TEX9: variants seen among roughly 807,000 people sequenced by gnomAD.
TEX9 encodes testis expressed 9.
TEX9 carries 74 observed loss-of-function variants against 59.6 expected under a neutral mutation model. The ratio of observed to expected loss-of-function variants is 1.24; its 90% CI spans 1.03 to 1.51. The LOEUF is 1.51. TEX9 is among the 40% of genes most tolerant of loss of function. The pLI is 0.00. For synonymous variants in TEX9, 186 were observed against 152.2 expected (o/e 1.22, Z -1.64); for missense variants, 522 against 447.8 (o/e 1.17, Z -1.49).
chr15:56,388,404 G>T (rs1353118284), intron 4 of TEX9, 68 bp from the exon 5 acceptor site: 14 of 1,210,386 alleles, frequency 1.2e-5, no homozygotes, highest in Non-Finnish European at 1.4e-5. Flanking sequence ...AAATATAATT[G>T]TTGAATTTCA....
chr15:56,383,118 C>A (rs554941620), intron 3 of TEX9, among the ~76,000 whole-genome samples: 14 of 152,290 alleles, frequency 9.2e-5, no homozygotes, highest in African/African-American at 3.4e-4. Flanking sequence ...GATGCTTCCT[C>A]CATGCATGGG....
At chr15:56,428,391 C>G in exon 12 of TEX9, 2 of 1,611,872 alleles carry the variant, frequency 1.2e-6, no homozygotes, top group South Asian at 1.1e-5. Context: ...TGCCAAGATG[C>G]TATCTTTCAC....
intron 1 of TEX9, among the ~76,000 whole-genome samples, chr15:56,332,615 A>AG: frequency 7.9e-6 from 1 of 126,536 alleles, no homozygotes; most frequent in South Asian, 3.6e-4. Context: ...AACTTAAAAT[A>AG]TAAAAAAAAA....
At chr15:56,251,083 G>A (rs1158819496) in intron 1 of TEX9, among the ~76,000 whole-genome samples, 2 of 152,108 alleles carry the variant, frequency 1.3e-5, no homozygotes, top group South Asian at 2.1e-4. Context: ...GGGCCAACCT[G>A]TCTCCTTTCC....
downstream of TEX9, among the ~76,000 whole-genome samples, chr15:56,446,321 C>A (rs1487215068): frequency 3.3e-5 from 5 of 151,924 alleles, no homozygotes; most frequent in Non-Finnish European, 7.4e-5. Context: ...CAAAGCACTC[C>A]TAGTGAGTAT....
At chr15:56,276,146 C>G (rs1397712978) in intron 1 of TEX9, among the ~76,000 whole-genome samples, 4 of 151,228 alleles carry the variant, frequency 2.6e-5, no homozygotes, top group Non-Finnish European at 5.9e-5. Flanking sequence ...CTTCTCTAAA[C>G]TTTTTTTTTA....
chr15:56,436,236 C>T (rs937644939), intron 12 of TEX9, among the ~76,000 whole-genome samples: 1 of 152,108 alleles, frequency 6.6e-6, no homozygotes, highest in Non-Finnish European at 1.5e-5. Context: ...TGTAAAAGAA[C>T]AGAAATTATA....
rs60384040 is a variant in TEX9, at chr15:56,378,077, T to C, written c.183+4573T>C. On this transcript the variant is annotated intron_variant, in intron 3 of 12. Coordinates refer to ENST00000352903, the Ensembl canonical transcript of TEX9. ...CATCCCTGGGGTAAATCCCACATGG[T>C]CATGACAAATGGTCTTTTTAATATT... Among the ~76,000 whole-genome samples, 596 of 152,310 alleles carry C rather than the reference T, an allele frequency of 3.9e-3. 3 individuals are homozygous for C. Among genetic ancestry groups the C allele is most frequent in the African/African-American group, 0.014 (576 of 41,558 alleles).
chr15:56,389,477 T>C (rs2048108577), intron 6 of TEX9, 77 bp downstream of exon 6: 1 of 1,090,382 alleles, frequency 9.2e-7, no homozygotes, highest in Non-Finnish European at 1.3e-6. Context: ...ATTATTAAGC[T>C]CTGTTTGTTT....
At chr15:56,254,077 C>G (rs973667363) in intron 1 of TEX9, among the ~76,000 whole-genome samples, 1 of 152,020 alleles carries the variant, frequency 6.6e-6, no homozygotes, top group African/African-American at 2.4e-5. Flanking sequence ...AATCAAGATG[C>G]CAGCCTGCAG....
chr15:56,398,688 C>T (rs1232100178), intron 9 of TEX9, among the ~76,000 whole-genome samples: 1 of 152,154 alleles, frequency 6.6e-6, no homozygotes, highest in Non-Finnish European at 1.5e-5. Flanking sequence ...CATTTCTTAT[C>T]CATTGTATAC....
chr15:56,455,266 A>C, the TEX9 span, among the ~76,000 whole-genome samples: 5 of 150,838 alleles, frequency 3.3e-5, no homozygotes, highest in Admixed American at 1.3e-4. Context: ...AAAAAAAAAA[A>C]AAAAACCATG....
At chr15:56,318,428 C>T (rs866633331) in intron 1 of TEX9, among the ~76,000 whole-genome samples, 4 of 151,958 alleles carry the variant, frequency 2.6e-5, no homozygotes, top group South Asian at 2.1e-4. Flanking sequence ...GGCAGCATAT[C>T]GTTGGATCAT....
At chr15:56,296,482 C>A (rs2045221511) in intron 1 of TEX9, among the ~76,000 whole-genome samples, 1 of 152,066 alleles carries the variant, frequency 6.6e-6, no homozygotes, top group Admixed American at 6.6e-5. Context: ...CATTATGACC[C>A]AATTTTAAAG....
intron 1 of TEX9, among the ~76,000 whole-genome samples, chr15:56,310,971 C>G (rs1204006152): frequency 6.6e-6 from 1 of 152,114 alleles, no homozygotes; most frequent in African/African-American, 2.4e-5. Context: ...AAGGGCCCTA[C>G]AGATGACCTC....
At chr15:56,249,455 GAGGGAGGGAGGGAAGA>G (rs1392884240) in intron 1 of TEX9, among the ~76,000 whole-genome samples, 1 of 148,616 alleles carries the variant, frequency 6.7e-6, no homozygotes, top group Non-Finnish European at 1.5e-5. Context: ...GAGAGAGAGG[GAGGGAGGGAGGGAAGA>G]AAGGAGGGAG....
chr15:56,443,546 T>G (rs750503178), intron 12 of TEX9: 1 of 1,577,684 alleles, frequency 6.3e-7, no homozygotes, highest in Non-Finnish European at 8.6e-7. Flanking sequence ...AACTATTAAA[T>G]TTTTTAAAAA....
intron 9 of TEX9, among the ~76,000 whole-genome samples, chr15:56,402,365 A>G (rs1596191309): frequency 6.6e-6 from 1 of 152,188 alleles, no homozygotes; most frequent in African/African-American, 2.4e-5. Context: ...ACACCTCTAC[A>G]CAGATAAACT....
chr15:56,459,406 G>A, the TEX9 span, among the ~76,000 whole-genome samples: 4 of 152,076 alleles, frequency 2.6e-5, no homozygotes, highest in Non-Finnish European at 5.9e-5. Context: ...CATGAATAAT[G>A]CTGTTATAGA....
Sources: gnomAD v4.1 joint callset for allele counts (sites outside exome capture counted in the v4.1 genomes callset) on GRCh38, gnomAD v4.1.1 for gene constraint, MANE v1.5 for transcripts, NCBI Gene and HGNC (gene_info 2026-07-23, HGNC 2026-07-21) for gene names.